Variants in PEPD observed in about 807,000 individuals in gnomAD.
The protein encoded by PEPD is peptidase D.
PEPD carries 53 observed loss-of-function variants against 60.7 expected under a neutral mutation model. The observed-to-expected ratio is 0.87, with a 90% CI of 0.70 to 1.10. PEPD has a LOEUF of 1.10. PEPD is among the 50% of genes least tolerant of loss of function. PEPD has a pLI of 0.00. For missense variants in PEPD, 711 were observed against 711.9 expected (o/e 1.00, Z 0.01); for synonymous variants, 267 against 284.1 (o/e 0.94, Z 0.60).
intron 12 of PEPD, among the ~76,000 whole-genome samples, chr19:33,395,708 C>G (rs768366448): frequency 1.3e-5 from 2 of 152,224 alleles, no homozygotes; most frequent in African/African-American, 4.8e-5. Context: ...CCCCAGGGGG[C>G]TCCCGGGCCT....
At chr19:33,491,763 G>T (rs972627291) in intron 5 of PEPD, among the ~76,000 whole-genome samples, 1 of 152,166 alleles carries the variant, frequency 6.6e-6, no homozygotes, top group Non-Finnish European at 1.5e-5. Flanking sequence ...GGAATGCTGA[G>T]AAAGGTAAAA....
At chr19:33,500,906 TG>T in intron 4 of PEPD, 31 bp downstream of exon 4, 2 of 1,317,898 alleles carry the variant, frequency 1.5e-6, no homozygotes, top group Non-Finnish European at 2.2e-6. Flanking sequence ...CTGGAAGCCC[TG>T]GGCTGCTCAG....
At chr19:33,464,854 A>AGAGGAGCCAAAT (rs1969992347) in intron 7 of PEPD, among the ~76,000 whole-genome samples, 2 of 152,068 alleles carry the variant, frequency 1.3e-5, no homozygotes, top group African/African-American at 2.4e-5. Context: ...AGACCCACAG[A>AGAGGAGCCAAAT]GAGGAGCCAA....
intron 1 of PEPD, among the ~76,000 whole-genome samples, chr19:33,518,150 C>T (rs969895539): frequency 2.0e-5 from 3 of 152,120 alleles, no homozygotes; most frequent in Admixed American, 6.6e-5. Context: ...GTTGCCACGG[C>T]GGAACAGGAC....
At position 33,405,927 on chromosome 19, in the gene PEPD, G is replaced by C. The variant is rs576000241; in HGVS notation, c.819-4058C>G. 1.9e-3 allele frequency among the ~76,000 whole-genome samples: 294 copies of C among 152,358 alleles called. 1 individual carries two copies. Among genetic ancestry groups the C allele is most frequent in the African/African-American group, 6.9e-3 (288 of 41,588 alleles). ...CAGCAATCCCTGGTGCACGCGGTGG[G>C]TGACGGGAGCAGCTGCGTCCTGTGG... On this transcript the variant is annotated intron_variant, in intron 11 of 14. Coordinates refer to ENST00000244137, the MANE Select transcript of PEPD (RefSeq NM_000285.4).
At chr19:33,392,228 A>G (rs1317128690) in intron 12 of PEPD, among the ~76,000 whole-genome samples, 1 of 152,182 alleles carries the variant, frequency 6.6e-6, no homozygotes, top group African/African-American at 2.4e-5. Context: ...CACCAAAGAG[A>G]GAACTTCCTA....
At chr19:33,512,810 C>A in intron 1 of PEPD, 34 bp from the exon 2 acceptor site, 1 of 1,611,442 alleles carries the variant, frequency 6.2e-7, no homozygotes, top group Non-Finnish European at 8.5e-7. Context: ...GCCACACAGG[C>A]CTCTGTTAGC....
At position 33,472,155 on chromosome 19, in the gene PEPD, C is replaced by T. The variant is rs561911515; in HGVS notation, c.548+5891G>A. Among the ~76,000 whole-genome samples the T allele has an allele frequency of 4.5e-3, 572 of 127,930 alleles. 4 individuals carry two copies. The highest frequency in any genetic ancestry group is 3.3e-3 in the Non-Finnish European group (204 of 61,008). The allele number at this position is 127,930 out of a possible 152,430, so 83.9% of individuals were successfully genotyped here. ...CAGCCTGGGCAACAAGAACAAAACT[C>T]CATCTCAAAAAAAAAAAAAAAAATC... On this transcript the variant is annotated intron_variant, in intron 7 of 14. Transcript: ENST00000244137.
chr19:33,499,319 GC>G (rs890364923), intron 4 of PEPD, among the ~76,000 whole-genome samples: 17 of 152,106 alleles, frequency 1.1e-4, no homozygotes, highest in African/African-American at 4.1e-4. Flanking sequence ...GTAGAGACAG[GC>G]CCCCGTGGCC....
chr19:33,509,007 G>A (rs902444778), intron 3 of PEPD, among the ~76,000 whole-genome samples: 5 of 152,160 alleles, frequency 3.3e-5, no homozygotes, highest in East Asian at 1.9e-4. Flanking sequence ...CAAGCCCCAC[G>A]GCCTCTCAGA....
intron 12 of PEPD, 22 bp downstream of exon 12, chr19:33,401,699 C>T (rs1272141683): frequency 6.3e-7 from 1 of 1,598,456 alleles, no homozygotes; most frequent in Non-Finnish European, 8.5e-7. Flanking sequence ...GATGCGCCTC[C>T]CCCCACCGAC....
At chr19:33,492,590 A>C (rs2145321253) in intron 5 of PEPD, among the ~76,000 whole-genome samples, 1 of 152,290 alleles carries the variant, frequency 6.6e-6, no homozygotes, top group East Asian at 1.9e-4. Flanking sequence ...ATTATTGTTG[A>C]CTGTAGTCAC....
At chr19:33,520,478 T>A (rs1324977890) in intron 1 of PEPD, among the ~76,000 whole-genome samples, 1 of 152,116 alleles carries the variant, frequency 6.6e-6, no homozygotes, top group Non-Finnish European at 1.5e-5. Flanking sequence ...TGCCCCTCCT[T>A]TGCAAATGGC....
intron 7 of PEPD, among the ~76,000 whole-genome samples, chr19:33,474,993 A>G (rs76885489): frequency 0.094 from 13,729 of 146,344 alleles, 651 homozygotes; most frequent in Middle Eastern, 0.13. Context: ...AAAAAAAAAA[A>G]AAAAAGACAT....
chr19:33,414,938 G>C (rs1002796713), intron 9 of PEPD, among the ~76,000 whole-genome samples: 1 of 152,172 alleles, frequency 6.6e-6, no homozygotes, highest in African/African-American at 2.4e-5. Context: ...CGTATTCGTG[G>C]TGCAAGCGCT....
intron 4 of PEPD, among the ~76,000 whole-genome samples, chr19:33,495,373 C>T (rs2145326212): frequency 6.6e-6 from 1 of 151,402 alleles, no homozygotes; most frequent in South Asian, 2.1e-4. Context: ...TGGCACGTGC[C>T]TGTAGTCCCA....
chr19:33,484,456 C>T (rs1970362954), intron 6 of PEPD, among the ~76,000 whole-genome samples: 1 of 152,146 alleles, frequency 6.6e-6, no homozygotes, highest in South Asian at 2.1e-4. Context: ...CGCAGACACA[C>T]AGAGACAGGC....
At chr19:33,441,573 G>C (rs1026527955) in intron 9 of PEPD, among the ~76,000 whole-genome samples, 1 of 152,248 alleles carries the variant, frequency 6.6e-6, no homozygotes, top group African/African-American at 2.4e-5. Flanking sequence ...ACCAGGGTAG[G>C]AGGCAGCCCT....
At position 33,467,013 on chromosome 19, in the gene PEPD, T is replaced by C. The variant is rs753738736; in HGVS notation, c.549-2951A>G. ...TCTACTAAAAATACAAAAAATTAGC[T>C]GGGCATGGTGGCGGGCGCCTGTAGT... On this transcript the variant is annotated intron_variant, in intron 7 of 14. Transcript: ENST00000244137. Among the ~76,000 whole-genome samples the C allele has an allele frequency of 3.5e-3, 533 of 151,698 alleles. 4 individuals are homozygous for C. Among genetic ancestry groups the C allele is most frequent in the South Asian group, 4.8e-3 (23 of 4,786 alleles).
Sources: allele counts gnomAD v4.1 joint callset (sites outside exome capture counted in the v4.1 genomes callset), GRCh38; gene constraint gnomAD v4.1.1; transcripts MANE v1.5; gene names NCBI Gene and HGNC (gene_info 2026-07-23, HGNC 2026-07-21).